Variants in DOCK7 observed in about 807,000 individuals in gnomAD.
DOCK7 encodes dedicator of cytokinesis protein 7.
In DOCK7, 138 loss-of-function variants were observed where a neutral mutation model predicts 271.0. The ratio of observed to expected loss-of-function variants is 0.51; its 90% CI spans 0.44 to 0.59. The LOEUF is 0.59. Ranked by LOEUF, DOCK7 falls within the 20% of genes least tolerant of loss-of-function variation. DOCK7 has a pLI of 0.00. For synonymous variants in DOCK7, 823 were observed against 876.1 expected, an observed-to-expected ratio of 0.94 and a Z score of 1.07; for missense variants, 2,066 against 2,592.4, an observed-to-expected ratio of 0.80 and a Z score of 4.41.
At chr1:62,558,937 G>A in intron 20 of DOCK7, 52 bp downstream of exon 20, 1 of 1,370,412 alleles carries the variant, frequency 7.3e-7, no homozygotes, top group Non-Finnish European at 1.0e-6. Flanking sequence ...ACAAAATTTA[G>A]AAATGTCAAG....
chr1:62,562,219 T>C (rs1646346068), intron 18 of DOCK7, among the ~76,000 whole-genome samples: 1 of 120,792 alleles, frequency 8.3e-6, no homozygotes, highest in Non-Finnish European at 1.7e-5. Flanking sequence ...CCTGTTGGTT[T>C]AAGGATCCAA....
chr1:62,510,154 G>A (rs1644441445), intron 34 of DOCK7, among the ~76,000 whole-genome samples: 1 of 152,188 alleles, frequency 6.6e-6, no homozygotes. Flanking sequence ...ATCAGTCAAT[G>A]TATCAAGTCT....
At chr1:62,620,071 G>T in intron 12 of DOCK7, 78 bp from the exon 13 acceptor site, 1 of 1,184,092 alleles carries the variant, frequency 8.4e-7, no homozygotes, top group Non-Finnish European at 1.2e-6. Context: ...TGTAATCCTA[G>T]CACTTTGGGA....
At chr1:62,468,080 G>T (rs953110626) in intron 48 of DOCK7, among the ~76,000 whole-genome samples, 4 of 152,124 alleles carry the variant, frequency 2.6e-5, no homozygotes, top group South Asian at 2.1e-4. Context: ...AAGCATCAAG[G>T]CCGGGCGCGG....
At chr1:62,483,756 T>C (rs1646210085) in intron 43 of DOCK7, 1 of 152,056 alleles carries the variant, frequency 6.6e-6, no homozygotes, top group Non-Finnish European at 1.5e-5. Context: ...TTTTGTTTCT[T>C]TTTGGTAGAG....
At chr1:62,520,770 T>G (rs893160546) in intron 31 of DOCK7, among the ~76,000 whole-genome samples, 1 of 152,154 alleles carries the variant, frequency 6.6e-6, no homozygotes, top group Non-Finnish European at 1.5e-5. Context: ...CCCAAAGGAT[T>G]ATAAATCATT....
At chr1:62,524,951 A>G (rs1204459822) in intron 31 of DOCK7, among the ~76,000 whole-genome samples, 2 of 139,506 alleles carry the variant, frequency 1.4e-5, no homozygotes, top group East Asian at 2.0e-4. Flanking sequence ...ATATATATAT[A>G]TATATTACTA....
At chr1:62,582,888 G>T (rs1490126885) in intron 16 of DOCK7, among the ~76,000 whole-genome samples, 1 of 152,150 alleles carries the variant, frequency 6.6e-6, no homozygotes, top group African/African-American at 2.4e-5. Flanking sequence ...CAAAGTGTCA[G>T]GTGGAAATAA....
intron 14 of DOCK7, among the ~76,000 whole-genome samples, chr1:62,611,906 A>G (rs559486315): frequency 7.8e-4 from 118 of 151,840 alleles, no homozygotes; most frequent in African/African-American, 2.8e-3. Context: ...GCACTTTGGT[A>G]GGCTGAGGTG....
chr1:62,524,388 T>A (rs988566482), intron 31 of DOCK7, among the ~76,000 whole-genome samples: 3 of 152,138 alleles, frequency 2.0e-5, no homozygotes, highest in African/African-American at 7.2e-5. Context: ...TAAATAAAAG[T>A]ATATATATGC....
At chr1:62,607,401 G>T (rs897775034) in intron 14 of DOCK7, among the ~76,000 whole-genome samples, 1 of 152,130 alleles carries the variant, frequency 6.6e-6, no homozygotes, top group Admixed American at 6.5e-5. Context: ...TACCTCTTTT[G>T]TATCATAAGC....
At chr1:62,578,233 C>T (rs781436431) in intron 17 of DOCK7, among the ~76,000 whole-genome samples, 24 of 152,100 alleles carry the variant, frequency 1.6e-4, no homozygotes, top group Non-Finnish European at 3.2e-4. Flanking sequence ...GTCTATGAAC[C>T]TATTATATTT....
At chr1:62,593,678 T>A (rs1648796538) in intron 14 of DOCK7, among the ~76,000 whole-genome samples, 1 of 151,930 alleles carries the variant, frequency 6.6e-6, no homozygotes, top group Non-Finnish European at 1.5e-5. Context: ...CACAAAACAG[T>A]AAGATAGATA....
At chr1:62,590,049 G>A (rs543879146) in intron 14 of DOCK7, among the ~76,000 whole-genome samples, 62 of 152,006 alleles carry the variant, frequency 4.1e-4, no homozygotes, top group Non-Finnish European at 7.2e-4. Flanking sequence ...AGAGTACAAT[G>A]ACATGGAAAC....
At chr1:62,601,627 C>G (rs938613987) in intron 14 of DOCK7, 4 of 586,766 alleles carry the variant, frequency 6.8e-6, no homozygotes, top group Admixed American at 5.8e-5. Context: ...AACACGCCAT[C>G]TAAGAAAAAT....
At chr1:62,521,296 A>G (rs1055053082) in intron 31 of DOCK7, among the ~76,000 whole-genome samples, 5 of 152,208 alleles carry the variant, frequency 3.3e-5, no homozygotes, top group African/African-American at 1.2e-4. Context: ...GCATTTAACT[A>G]AACAATCAAA....
In DOCK7 at chr1:62,455,053, G is replaced by A. The variant is rs1645308689; in HGVS notation, c.*361C>T. On this transcript the variant is annotated 3_prime_UTR_variant, in exon 50 of 50. Transcript: ENST00000635253. ...ATATTTAATAGTACCTTTAAAATAA[G>A]CATTACTACATTTAAAATGGTTCCA... is the stretch of plus-strand genomic sequence containing the variant. 2.1e-6 allele frequency: 1 copy of A among 466,466 alleles called. No individual in the cohort carries two copies. The highest frequency in any genetic ancestry group is 4.0e-5 in the Admixed American group (1 of 24,910). 28.9% of individuals were successfully genotyped at this position (466,466 alleles called of 1,614,324 possible). A position where few individuals can be genotyped will look rare whatever the true frequency, so the allele number is the denominator to read the frequency against.
In DOCK7 at chr1:62,615,646, C is replaced by G. The variant is rs182234149; in HGVS notation, c.1682+3060G>C. Among the ~76,000 whole-genome samples, 103 of 151,768 alleles carry G rather than the reference C, an allele frequency of 6.8e-4. 2 individuals carry two copies. The highest frequency in any genetic ancestry group is 3.4e-3 in the Middle Eastern group (1 of 290). ...ACTCTAATCTTTATGATGAGCTTAG[C>G]AAGTTCTATTATTCTCTGGAAATAA... On this transcript the variant is annotated intron_variant, in intron 14 of 49. Coordinates refer to ENST00000635253, the MANE Select transcript of DOCK7 (RefSeq NM_001367561.1).
At chr1:62,561,088 T>C (rs1646306904) in intron 19 of DOCK7, among the ~76,000 whole-genome samples, 1 of 152,014 alleles carries the variant, frequency 6.6e-6, no homozygotes, top group Non-Finnish European at 1.5e-5. Context: ...TGACATACAG[T>C]AATGAGGTTG....
Sources: allele counts gnomAD v4.1 joint callset (sites outside exome capture counted in the v4.1 genomes callset), GRCh38; gene constraint gnomAD v4.1.1; transcripts MANE v1.5; gene names NCBI Gene and HGNC (gene_info 2026-07-23, HGNC 2026-07-21).